The following AGFG2 variants were observed in gnomAD, a reference collection of about 807,000 sequenced individuals.
AGFG2 encodes the protein arf-GAP domain and FG repeat-containing protein 2.
Under a neutral mutation model 48.0 loss-of-function variants are expected in AGFG2, and 31 were observed. That is an observed-to-expected ratio of 0.65 (90% CI 0.49 to 0.87). AGFG2 has a LOEUF of 0.87. Among genes scored for constraint, AGFG2 ranks in the 40% least tolerant of loss-of-function variants. The probability of loss-of-function intolerance (pLI) is 0.00; values close to 1 mark genes in which losing one functional copy is unlikely to be tolerated. For missense variants in AGFG2, 599 were observed against 632.6 expected, an observed-to-expected ratio of 0.95 and a Z score of 0.57; for synonymous variants, 229 against 260.8, an observed-to-expected ratio of 0.88 and a Z score of 1.18.
At position 100,539,508 on chromosome 7, in the gene AGFG2, G is replaced by A. The variant is rs1800380613; in HGVS notation, c.162G>A (p.Gly54=). Reference sequence around the variant, plus strand: ...ACTGCTTCGAGTGCGCCCAGCGCGGGGTCACCTACGTGGATATCACCGTGG... The same window carrying A: ...ACTGCTTCGAGTGCGCCCAGCGCGGAGTCACCTACGTGGATATCACCGTGG... The part of the protein sequence containing the change: ...NRHCFECAQR[G]VTYVDITVGS... The change falls in exon 1 of 12, where the codon GGG becomes GGA. Residue 54 remains glycine, a synonymous_variant. Transcript: ENST00000300176. 4 of 1,315,926 alleles carry A rather than the reference G, an allele frequency of 3.0e-6. No homozygotes were observed. Among genetic ancestry groups the A allele is most frequent in the Non-Finnish European group, 3.9e-6 (4 of 1,025,800 alleles). 81.5% of individuals were successfully genotyped at this position (1,315,926 alleles called of 1,614,324 possible).
Position 100,551,028 on chromosome 7 carries a change from A to ATT in AGFG2, c.431+519_431+520dup, listed in dbSNP as rs1210860618. Among the ~76,000 whole-genome samples the ATT allele has an allele frequency of 1.1e-3, 59 of 52,352 alleles. 1 individual carries two copies. Among genetic ancestry groups the ATT allele is most frequent in the African/African-American group, 5.4e-3 (57 of 10,620 alleles). The allele number at this position is 52,352 out of a possible 152,430, so 34.3% of individuals were successfully genotyped here. A position where few individuals can be genotyped will look rare whatever the true frequency, so the allele number is the denominator to read the frequency against. On this transcript the variant is annotated intron_variant, in intron 3 of 11. Transcript: ENST00000300176. ...AGGTGTGTGCCACCATGCCTGGCTA[A>ATT]TTTATATATATATATATATATATAT...
At chr7:100,552,718 C>T (rs987363914) in intron 3 of AGFG2, among the ~76,000 whole-genome samples, 3 of 152,180 alleles carry the variant, frequency 2.0e-5, no homozygotes, top group African/African-American at 7.2e-5. Flanking sequence ...GCCACATACA[C>T]TGTAGTGGAA....
chr7:100,565,969 A>C lies in AGFG2; in HGVS notation c.*978A>C, dbSNP rs1233499744. 1 of 152,318 alleles carries C rather than the reference A, an allele frequency of 6.6e-6. No individual in the cohort carries two copies. Among genetic ancestry groups the C allele is most frequent in the African/African-American group, 2.4e-5 (1 of 41,320 alleles). The allele number at this position is 152,318 out of a possible 1,614,324, so 9.4% of individuals were successfully genotyped here. On this transcript the variant is annotated 3_prime_UTR_variant, in exon 12 of 12. Transcript: ENST00000300176. ...AAAGCTCATTGCAGGCAATGTTGGA[A>C]AAGAACTGCATTTGAACGAAAGAGA...
In AGFG2 at chr7:100,566,911, G is replaced by A. The variant is rs1801020433; in HGVS notation, c.*1920G>A. 6.6e-6 allele frequency: 1 copy of A among 152,252 alleles called. No individual in the cohort carries two copies. The allele number at this position is 152,252 out of a possible 1,614,324, so 9.4% of individuals were successfully genotyped here. The stretch of plus-strand genomic sequence containing the variant: ...GGAATCTGTTATGGTGTATTAGGGG[G>A]AGGAGCCTTTCTGTTATTTCCCCCC... On this transcript the variant is annotated 3_prime_UTR_variant, in exon 12 of 12. Coordinates refer to ENST00000300176, the MANE Select transcript of AGFG2 (RefSeq NM_006076.5).
At chr7:100,560,908 T>C (rs1800856555) in intron 6 of AGFG2, among the ~76,000 whole-genome samples, 1 of 144,468 alleles carries the variant, frequency 6.9e-6, no homozygotes, top group Non-Finnish European at 1.5e-5. Flanking sequence ...ACCTCCCGGG[T>C]TCACGCCATT....
chr7:100,563,584 G>C (rs553521824), intron 9 of AGFG2, among the ~76,000 whole-genome samples: 1 of 152,220 alleles, frequency 6.6e-6, no homozygotes, highest in African/African-American at 2.4e-5. Flanking sequence ...TTTAGTGGGA[G>C]GCTAGCCCAG....
Position 100,562,713 on chromosome 7 carries a change from G to A in AGFG2, c.1087+31G>A. On this transcript the variant is annotated intron_variant, in intron 8 of 11. Coordinates refer to ENST00000300176, the MANE Select transcript of AGFG2 (RefSeq NM_006076.5). This position sits in a 1 kb window ranked among gnomAD's most constrained non-coding sequence, Gnocchi z 5.4. Reference sequence around the variant, plus strand: ...TCCTGCCTGTGGAGACCCAGGGGAGGGGACCTGAGGCCAGGAGGAGTCTAA... The same window carrying A: ...TCCTGCCTGTGGAGACCCAGGGGAGAGGACCTGAGGCCAGGAGGAGTCTAA... 6.3e-7 allele frequency: 1 copy of A among 1,597,610 alleles called. No individual in the cohort carries two copies. The highest frequency in any genetic ancestry group is 8.5e-7 in the Non-Finnish European group (1 of 1,173,952).
intron 9 of AGFG2, 106 bp from the exon 10 acceptor site, chr7:100,563,727 AG>A (rs1800932132): frequency 6.6e-7 from 1 of 1,516,598 alleles, no homozygotes; most frequent in African/African-American, 1.4e-5. Flanking sequence ...TCCTCATGTC[AG>A]GAAAAAACTA....
chr7:100,559,527 C>T (rs1383772462), intron 6 of AGFG2, among the ~76,000 whole-genome samples: 1 of 151,986 alleles, frequency 6.6e-6, no homozygotes, highest in Non-Finnish European at 1.5e-5. Flanking sequence ...GTATAAGAAG[C>T]GCATGAAGGC....
At position 100,539,505 on chromosome 7, in the gene AGFG2, CG is replaced by C; in HGVS notation, c.163del (p.Val55SerfsTer20). ...NRHCFECAQR[G>X]VTYVDITVGS... Reference sequence around the variant, plus strand: ...GCCACTGCTTCGAGTGCGCCCAGCGCGGGGTCACCTACGTGGATATCACCGT... The same window carrying C: ...GCCACTGCTTCGAGTGCGCCCAGCGCGGGTCACCTACGTGGATATCACCGT... On this transcript the variant is annotated frameshift_variant, in exon 1 of 12. Coordinates refer to ENST00000300176, the MANE Select transcript of AGFG2 (RefSeq NM_006076.5). LOFTEE classifies it high-confidence loss of function. 2 of 1,309,830 alleles carry C rather than the reference CG, an allele frequency of 1.5e-6. No individual in the cohort carries two copies. The highest frequency in any genetic ancestry group is 2.0e-6 in the Non-Finnish European group (2 of 1,022,248). The allele number at this position is 1,309,830 out of a possible 1,614,324, so 81.1% of individuals were successfully genotyped here.
Position 100,562,742 on chromosome 7 carries a change from C to T in AGFG2, c.1087+60C>T. The T allele has an allele frequency of 2.5e-6, 4 of 1,591,960 alleles. No individual in the cohort carries two copies. Among genetic ancestry groups the T allele is most frequent in the Non-Finnish European group, 2.6e-6 (3 of 1,168,536 alleles). On this transcript the variant is annotated intron_variant, in intron 8 of 11. Transcript: ENST00000300176. The surrounding 1 kb of genome is among the most constrained non-coding windows in gnomAD (Gnocchi z 5.4). ...CCTGAGGCCAGGAGGAGTCTAAGGACTCTGGACAGGGTGGGAAGGGGAGAG... is the reference window on the plus strand; with the variant it reads ...CCTGAGGCCAGGAGGAGTCTAAGGATTCTGGACAGGGTGGGAAGGGGAGAG...
chr7:100,554,606 A>G (rs1427620318), intron 5 of AGFG2, among the ~76,000 whole-genome samples: 1 of 152,206 alleles, frequency 6.6e-6, no homozygotes, highest in Non-Finnish European at 1.5e-5. Context: ...AATAGCCAGT[A>G]GAGGGTTCAG....
Position 100,542,845 on chromosome 7 carries a change from C to T in AGFG2, c.221+3278C>T, listed in dbSNP as rs541808878. On this transcript the variant is annotated intron_variant, in intron 1 of 11. Coordinates refer to ENST00000300176, the MANE Select transcript of AGFG2 (RefSeq NM_006076.5). ...CTGCATGTTTATTCATTCGGTCAGT[C>T]AACACGAACTTATTCAGTGCCTATC... Among the ~76,000 whole-genome samples the T allele has an allele frequency of 5.3e-4, 81 of 152,224 alleles. No homozygotes were observed. In the South Asian group the frequency reaches 0.016, roughly 29 times the overall value.
At position 100,567,516 on chromosome 7, in the gene AGFG2, T is replaced by A. The variant is rs1476907653; in HGVS notation, c.*2525T>A. ...ATCCCCATGTGTGAGGAAGCAGGAG[T>A]CAGCCACCAAGTGTCTCCACATCGG... On this transcript the variant is annotated 3_prime_UTR_variant, in exon 12 of 12. Transcript: ENST00000300176. The A allele has an allele frequency of 7.9e-5, 12 of 152,568 alleles. No homozygotes were observed. The Admixed American group carries it at 7.9e-4, about 10-fold the overall frequency. The allele number at this position is 152,568 out of a possible 1,614,324, so 9.5% of individuals were successfully genotyped here.
At chr7:100,551,693 G>A (rs1242160585) in intron 3 of AGFG2, among the ~76,000 whole-genome samples, 1 of 150,636 alleles carries the variant, frequency 6.6e-6, no homozygotes, top group Non-Finnish European at 1.5e-5. Flanking sequence ...AGACTAGCCT[G>A]GCCAACATGG....
chr7:100,546,804 A>G (rs1800519409), intron 1 of AGFG2, among the ~76,000 whole-genome samples: 1 of 152,226 alleles, frequency 6.6e-6, no homozygotes, highest in South Asian at 2.1e-4. Flanking sequence ...CCAAGCCATT[A>G]GCAAGAGAGG....
In AGFG2 at chr7:100,564,934, T is replaced by C. The variant is rs1800971038; in HGVS notation, c.1389T>C (p.Thr463=). The C allele has an allele frequency of 6.2e-7, 1 of 1,614,142 alleles. No individual in the cohort carries two copies. The highest frequency in any genetic ancestry group is 1.3e-5 in the African/African-American group (1 of 75,060). Residue 463 remains threonine (T), a splice_region_variant and synonymous_variant, in exon 12 of 12, where the codon ACT becomes ACC. Coordinates refer to ENST00000300176, the MANE Select transcript of AGFG2 (RefSeq NM_006076.5). ...PAGISTNPFM[T]GPSSSPFASK... is the part of the protein sequence containing the mutation. The stretch of plus-strand genomic sequence containing the variant: ...AATGTATTGTTCTTTCTTTCCAGAC[T>C]GGACCCTCATCAAGCCCATTCGCCT...
chr7:100,567,224 C>G lies in AGFG2; in HGVS notation c.*2233C>G, dbSNP rs540386157. 6.5e-6 allele frequency: 1 copy of G among 152,694 alleles called. No homozygotes were observed. The highest frequency in any genetic ancestry group is 2.1e-4 in the South Asian group (1 of 4,828). 9.5% of individuals were successfully genotyped at this position (152,694 alleles called of 1,614,324 possible). A position where few individuals can be genotyped will look rare whatever the true frequency, so the allele number is the denominator to read the frequency against. ...GACACTAGGAGCTGCTCTCCTTGGC[C>G]GGGGACAGCTCCAGCAGCTCAGGCT... is the stretch of plus-strand genomic sequence containing the variant. On this transcript the variant is annotated 3_prime_UTR_variant, in exon 12 of 12. Transcript: ENST00000300176.
intron 6 of AGFG2, among the ~76,000 whole-genome samples, chr7:100,559,283 T>TG (rs753523001): frequency 8.5e-5 from 13 of 152,178 alleles, no homozygotes; most frequent in Non-Finnish European, 1.6e-4. Flanking sequence ...CCAGATCTAA[T>TG]GCTGATAATT....
Sources: gnomAD v4.1 joint callset for allele counts (sites outside exome capture counted in the v4.1 genomes callset) on GRCh38, gnomAD v4.1.1 for gene constraint, Gnocchi (gnomAD v3.1) non-coding constraint, MANE v1.5 for transcripts, NCBI Gene and HGNC (gene_info 2026-07-23, HGNC 2026-07-21) for gene names.